EMCN: variants seen among roughly 807,000 people sequenced by gnomAD.
The protein encoded by EMCN is MUC-14.
In EMCN, 37 loss-of-function variants were observed where a neutral mutation model predicts 38.4. The observed-to-expected ratio is 0.96, with a 90% CI of 0.74 to 1.27. EMCN has a LOEUF of 1.27. Among genes scored for constraint, EMCN ranks in the 50% most tolerant of loss-of-function variants. The pLI is 0.00. For synonymous variants in EMCN, 95 were observed against 100.8 expected, an observed-to-expected ratio of 0.94 and a Z score of 0.35; for missense variants, 318 against 302.8, an observed-to-expected ratio of 1.05 and a Z score of -0.37.
At chr4:100,422,745 A>G (rs1407145096) in intron 7 of EMCN, among the ~76,000 whole-genome samples, 1 of 151,746 alleles carries the variant, frequency 6.6e-6, no homozygotes, top group Non-Finnish European at 1.5e-5. Flanking sequence ...CGTAATTGTT[A>G]AACACTAAAC....
chr4:100,471,076 C>T (rs773641354), intron 3 of EMCN, among the ~76,000 whole-genome samples: 2 of 151,204 alleles, frequency 1.3e-5, no homozygotes, highest in Non-Finnish European at 3.0e-5. Flanking sequence ...CATACGAAGC[C>T]GTGGGAAAGA....
At chr4:100,499,577 A>G (rs1729295769) in intron 1 of EMCN, among the ~76,000 whole-genome samples, 1 of 152,234 alleles carries the variant, frequency 6.6e-6, no homozygotes, top group Non-Finnish European at 1.5e-5. Flanking sequence ...TCTCCAACTA[A>G]TAATAGTCTA....
At chr4:100,444,213 G>A (rs1038501552) in intron 5 of EMCN, among the ~76,000 whole-genome samples, 1 of 152,204 alleles carries the variant, frequency 6.6e-6, no homozygotes, top group African/African-American at 2.4e-5. Flanking sequence ...CACAGCTCAA[G>A]CCAGGCCTTA....
At chr4:100,427,862 T>C (rs1317512331) in intron 5 of EMCN, among the ~76,000 whole-genome samples, 1 of 152,164 alleles carries the variant, frequency 6.6e-6, no homozygotes, top group Admixed American at 6.6e-5. Flanking sequence ...CTATCCTTGC[T>C]TGGAGCAGAC....
At chr4:100,498,516 C>T (rs147530173) in intron 1 of EMCN, among the ~76,000 whole-genome samples, 17 of 151,532 alleles carry the variant, frequency 1.1e-4, no homozygotes, top group African/African-American at 3.4e-4. Flanking sequence ...GACGGAGTCT[C>T]GCTCTGTCAC....
chr4:100,444,424 A>T (rs1727609933), intron 5 of EMCN, among the ~76,000 whole-genome samples: 1 of 152,030 alleles, frequency 6.6e-6, no homozygotes, highest in African/African-American at 2.4e-5. Context: ...CTGGGAGTTT[A>T]CTGCTCTAGT....
In EMCN at chr4:100,395,490, A is replaced by G. The variant is rs1399013917; in HGVS notation, c.*2923T>C. The G allele has an allele frequency of 6.6e-6, 1 of 152,176 alleles. No individual in the cohort carries two copies. Among genetic ancestry groups the G allele is most frequent in the African/African-American group, 2.4e-5 (1 of 41,464 alleles). 9.4% of individuals were successfully genotyped at this position (152,176 alleles called of 1,614,324 possible). A position where few individuals can be genotyped will look rare whatever the true frequency, so the allele number is the denominator to read the frequency against. On this transcript the variant is annotated 3_prime_UTR_variant, in exon 12 of 12. Transcript: ENST00000296420. Reference sequence around the variant, plus strand: ...CTCATTATAGGTTTAATTAATCACAATGATGGATATCTTTAACATTAGGCA... The same window carrying G: ...CTCATTATAGGTTTAATTAATCACAGTGATGGATATCTTTAACATTAGGCA...
chr4:100,517,893 T>C lies in EMCN; in HGVS notation c.22A>G (p.Ile8Val), dbSNP rs745749640. 1.9e-6 allele frequency: 3 copies of C among 1,612,738 alleles called. No individual in the cohort carries two copies. Among genetic ancestry groups the C allele is most frequent in the East Asian group, 2.2e-5 (1 of 44,864 alleles). MELLQVT[I>V]LFLLPSICSS... ...CAAATACTGGGCAGAAGAAAAAGAA[T>C]GGTCACTTGAAGCAGTTCCATGGTG... The change falls in exon 1 of 12, where the codon ATT becomes GTT. Residue 8 changes from isoleucine to valine, a missense_variant. Ile to Val is a conservative substitution (Grantham distance 29, BLOSUM62 3). Transcript: ENST00000296420.
intron 5 of EMCN, among the ~76,000 whole-genome samples, chr4:100,426,018 C>T (rs571950993): frequency 6.6e-6 from 1 of 152,188 alleles, no homozygotes; most frequent in African/African-American, 2.4e-5. Flanking sequence ...AGACAGAGAC[C>T]CTCAGAGTCA....
At chr4:100,517,273 G>A (rs1729782700) in intron 1 of EMCN, among the ~76,000 whole-genome samples, 1 of 151,996 alleles carries the variant, frequency 6.6e-6, no homozygotes, top group South Asian at 2.1e-4. Context: ...GTATGTATAT[G>A]TTTAGATATG....
At chr4:100,420,127 G>A (rs544777370) in intron 8 of EMCN, among the ~76,000 whole-genome samples, 2 of 152,196 alleles carry the variant, frequency 1.3e-5, no homozygotes, top group East Asian at 1.9e-4. Context: ...AACTCAATAA[G>A]TATATAGTAA....
rs1429780344 is a variant in EMCN, at chr4:100,421,336, G to A, written c.610C>T (p.Leu204Phe). 1.4e-5 allele frequency: 22 copies of A among 1,612,728 alleles called. No homozygotes were observed. Among genetic ancestry groups the A allele is most frequent in the Non-Finnish European group, 1.8e-5 (21 of 1,179,144 alleles). The change falls in exon 8 of 12, where the codon CTT becomes TTT. Residue 204 changes from leucine (L) to phenylalanine (F), a missense_variant. Physicochemically the swap from Leu to Phe is conservative, Grantham distance 22. Coordinates refer to ENST00000296420, the MANE Select transcript of EMCN (RefSeq NM_016242.4). ...AAACCCACCAGAACAAATACTGAAAGTGTTATTACAATCAAAGCAATAACC... is the reference window on the plus strand; with the variant it reads ...AAACCCACCAGAACAAATACTGAAAATGTTATTACAATCAAAGCAATAACC... ...PVVIALIVIT[L>F]SVFVLVGLYR...
At chr4:100,435,133 C>T (rs1727313975) in intron 5 of EMCN, among the ~76,000 whole-genome samples, 2 of 152,176 alleles carry the variant, frequency 1.3e-5, no homozygotes, top group African/African-American at 2.4e-5. Context: ...ACTCCATTGT[C>T]TCAGTGCAAA....
At chr4:100,464,159 A>G (rs1206755609) in intron 4 of EMCN, among the ~76,000 whole-genome samples, 2 of 151,754 alleles carry the variant, frequency 1.3e-5, no homozygotes, top group African/African-American at 4.8e-5. Flanking sequence ...ATACTTTTTG[A>G]TGCTATTGAA....
chr4:100,446,408 A>T (rs1272319406), intron 5 of EMCN, among the ~76,000 whole-genome samples: 3 of 152,138 alleles, frequency 2.0e-5, no homozygotes, highest in African/African-American at 7.2e-5. Flanking sequence ...TAATAATTTG[A>T]TTCAAATTCC....
chr4:100,465,505 A>C lies in EMCN; in HGVS notation c.294T>G (p.Asn98Lys), dbSNP rs765521847. ...CTGTTACGTTTGAAATGATGGAGTC[A>C]TTCTTCCTGACATCAGTGGTTGTGG... Reference protein sequence around the residue: ...LKATTTDVRKNDSIISNVTVT... With the variant: ...LKATTTDVRKKDSIISNVTVT... The change falls in exon 4 of 12, where the codon AAT becomes AAG. Residue 98 changes from asparagine (N) to lysine (K), a missense_variant. Transcript: ENST00000296420. 6.2e-7 allele frequency: 1 copy of C among 1,608,740 alleles called. No individual in the cohort carries two copies. Among genetic ancestry groups the C allele is most frequent in the South Asian group, 1.1e-5 (1 of 90,482 alleles).
chr4:100,432,784 C>T (rs1483973728), intron 5 of EMCN, among the ~76,000 whole-genome samples: 1 of 152,018 alleles, frequency 6.6e-6, no homozygotes, highest in South Asian at 2.1e-4. Context: ...TTGATCATTT[C>T]CACATAACTA....
intron 1 of EMCN, among the ~76,000 whole-genome samples, chr4:100,509,400 A>T (rs1409598154): frequency 5.3e-5 from 8 of 152,164 alleles, no homozygotes; most frequent in Non-Finnish European, 1.2e-4. Flanking sequence ...AAGTTAGTTC[A>T]CTCTGTGCAT....
rs1237879515 is a variant in EMCN, at chr4:100,475,152, C to G, written c.188-43G>C. On this transcript the variant is annotated intron_variant, in intron 2 of 11. Coordinates refer to ENST00000296420, the MANE Select transcript of EMCN (RefSeq NM_016242.4). The stretch of plus-strand genomic sequence containing the variant: ...ATTAAATTATTATTAATCATAATCT[C>G]ATGTTATCTGTCAATAAATAAAGTA... The G allele has an allele frequency of 1.0e-5, 10 of 993,970 alleles. No homozygotes were observed. In the East Asian group the frequency reaches 2.7e-4, roughly 27 times the overall value. The allele number at this position is 993,970 out of a possible 1,614,324, so 61.6% of individuals were successfully genotyped here.
Sources: gnomAD v4.1 joint callset for allele counts (sites outside exome capture counted in the v4.1 genomes callset) on GRCh38, gnomAD v4.1.1 for gene constraint, MANE v1.5 for transcripts, NCBI Gene and HGNC (gene_info 2026-07-23, HGNC 2026-07-21) for gene names.